Variants in CTNNA3 observed in about 807,000 individuals in gnomAD.
CTNNA3 encodes the protein catenin alpha 3, also known as catenin alpha-3.
In CTNNA3, 76 loss-of-function variants were observed where a neutral mutation model predicts 95.7. The ratio of observed to expected loss-of-function variants is 0.79; its 90% CI spans 0.66 to 0.96. The LOEUF (loss-of-function observed/expected upper bound fraction) is 0.96. Among genes scored for constraint, CTNNA3 ranks in the 40% least tolerant of loss-of-function variants. The probability of loss-of-function intolerance (pLI) is 0.00; values close to 1 mark genes in which losing one functional copy is unlikely to be tolerated. For missense variants in CTNNA3, 1,191 were observed against 1,089.8 expected (o/e 1.09, Z -1.31); for synonymous variants, 431 against 374.4 (o/e 1.15, Z -1.74).
chr10:66,103,693 AT>A (rs771492872), intron 13 of CTNNA3, among the ~76,000 whole-genome samples: 12 of 151,132 alleles, frequency 7.9e-5, no homozygotes, highest in Non-Finnish European at 1.3e-4. Context: ...AGCAATAGAG[AT>A]TTAATTAGTG....
At chr10:67,114,901 C>A (rs1483537837) in intron 7 of CTNNA3, among the ~76,000 whole-genome samples, 1 of 152,034 alleles carries the variant, frequency 6.6e-6, no homozygotes, top group Non-Finnish European at 1.5e-5. Context: ...GAGTTTAATG[C>A]AGCTTTGGGT....
chr10:65,964,474 A>G (rs986759276), intron 17 of CTNNA3, among the ~76,000 whole-genome samples: 7 of 152,182 alleles, frequency 4.6e-5, no homozygotes, highest in African/African-American at 1.7e-4. Context: ...TGCCTAATTT[A>G]TCTGTAATAT....
At chr10:66,491,412 A>C (rs188800198) in intron 11 of CTNNA3, among the ~76,000 whole-genome samples, 167 of 152,304 alleles carry the variant, frequency 1.1e-3, no homozygotes, top group Middle Eastern at 3.4e-3. Context: ...TTTCTTTCAA[A>C]ATTTCTCCAG....
chr10:67,436,347 T>C (rs1261984161), intron 5 of CTNNA3, among the ~76,000 whole-genome samples: 1 of 152,154 alleles, frequency 6.6e-6, no homozygotes, highest in Non-Finnish European at 1.5e-5. Context: ...GACTTACACC[T>C]AAGACCTGAA....
At chr10:66,254,204 G>A (rs1411964428) in intron 13 of CTNNA3, among the ~76,000 whole-genome samples, 1 of 152,114 alleles carries the variant, frequency 6.6e-6, no homozygotes, top group Admixed American at 6.6e-5. Flanking sequence ...CATCAAGCAG[G>A]CCATCCAGAG....
In CTNNA3 at chr10:65,916,968, C is replaced by T. The variant is rs2077015240; in HGVS notation, c.*3362G>A. The T allele has an allele frequency of 6.6e-6, 1 of 152,234 alleles. No homozygotes were observed. The highest frequency in any genetic ancestry group is 1.9e-4 in the East Asian group (1 of 5,180). 9.4% of individuals were successfully genotyped at this position (152,234 alleles called of 1,614,324 possible). A position where few individuals can be genotyped will look rare whatever the true frequency, so the allele number is the denominator to read the frequency against. On this transcript the variant is annotated 3_prime_UTR_variant, in exon 18 of 18. Transcript: ENST00000433211. ...ATTTGGTCTGAAGGCCCAAGTTGCGCACTTAATTGTATATTCACAATTTTA... is the reference window on the plus strand; with the variant it reads ...ATTTGGTCTGAAGGCCCAAGTTGCGTACTTAATTGTATATTCACAATTTTA...
At chr10:66,217,078 G>A (rs777715483) in intron 13 of CTNNA3, among the ~76,000 whole-genome samples, 20 of 151,904 alleles carry the variant, frequency 1.3e-4, no homozygotes, top group South Asian at 2.1e-4. Flanking sequence ...TCATACAGCC[G>A]GGCGCGTTGG....
intron 3 of CTNNA3, among the ~76,000 whole-genome samples, chr10:67,601,751 A>G (rs777868062): frequency 6.6e-6 from 1 of 152,366 alleles, no homozygotes; most frequent in South Asian, 2.1e-4. Context: ...TTGGTAGTGT[A>G]GGAGTAAGCC....
chr10:66,157,235 T>C (rs2084558648), intron 13 of CTNNA3, among the ~76,000 whole-genome samples: 1 of 151,946 alleles, frequency 6.6e-6, no homozygotes, highest in Non-Finnish European at 1.5e-5. Flanking sequence ...ATTGTATCAT[T>C]CTTATGCCTT....
chr10:66,097,753 AC>A (rs2081454432), intron 14 of CTNNA3, among the ~76,000 whole-genome samples: 1 of 152,134 alleles, frequency 6.6e-6, no homozygotes, highest in Admixed American at 6.5e-5. Context: ...TTCAGCTGCC[AC>A]CCTGCTGCAA....
At chr10:67,385,847 A>G (rs550920976) in intron 5 of CTNNA3, among the ~76,000 whole-genome samples, 1 of 152,038 alleles carries the variant, frequency 6.6e-6, no homozygotes, top group East Asian at 1.9e-4. Flanking sequence ...AAAAAAAAAA[A>G]AAAAAACCTG....
chr10:66,008,957 G>T (rs528663635), intron 15 of CTNNA3, among the ~76,000 whole-genome samples: 6 of 152,002 alleles, frequency 3.9e-5, no homozygotes, highest in African/African-American at 1.4e-4. Flanking sequence ...AAAATTATCC[G>T]TATGTAGTGG....
chr10:67,012,465 A>G (rs914118042), intron 7 of CTNNA3: 2 of 152,202 alleles, frequency 1.3e-5, no homozygotes, highest in African/African-American at 4.8e-5. Flanking sequence ...GGAAATTATA[A>G]ATATTTGCCT....
intron 13 of CTNNA3, among the ~76,000 whole-genome samples, chr10:66,168,064 C>T (rs1264960853): frequency 6.6e-6 from 1 of 152,118 alleles, no homozygotes; most frequent in Non-Finnish European, 1.5e-5. Context: ...CTATGGGTGC[C>T]AGAGTCACTT....
At chr10:67,320,518 A>T (rs1001443021) in intron 5 of CTNNA3, among the ~76,000 whole-genome samples, 15 of 152,174 alleles carry the variant, frequency 9.9e-5, no homozygotes, top group African/African-American at 3.6e-4. Flanking sequence ...TGGCCAATAT[A>T]TTTATTTTGG....
intron 3 of CTNNA3, among the ~76,000 whole-genome samples, chr10:67,552,200 A>T (rs947639097): frequency 3.3e-5 from 5 of 152,198 alleles, no homozygotes; most frequent in African/African-American, 1.2e-4. Context: ...CAATTCAAGG[A>T]TGCATTTGAT....
chr10:66,295,617 G>A (rs541949032), intron 12 of CTNNA3, among the ~76,000 whole-genome samples: 56 of 152,262 alleles, frequency 3.7e-4, no homozygotes, highest in African/African-American at 1.3e-3. Context: ...CACCATACCA[G>A]GAAGAAGGAA....
At chr10:67,309,944 T>C (rs1320445376) in intron 5 of CTNNA3, among the ~76,000 whole-genome samples, 1 of 152,036 alleles carries the variant, frequency 6.6e-6, no homozygotes, top group East Asian at 1.9e-4. Flanking sequence ...CAAAAGTAGA[T>C]ATTAAAGGAG....
chr10:66,845,703 CAAAAAAAAAAAA>C (rs61085873), intron 7 of CTNNA3, among the ~76,000 whole-genome samples: 4 of 23,536 alleles, frequency 1.7e-4, no homozygotes, highest in Non-Finnish European at 4.9e-4. Context: ...AACTCTGTCT[CAAAAAAAAAAAA>C]AAAAAAAAAA....
Sources: allele counts gnomAD v4.1 joint callset (sites outside exome capture counted in the v4.1 genomes callset), GRCh38; gene constraint gnomAD v4.1.1; transcripts MANE v1.5; gene names NCBI Gene and HGNC (gene_info 2026-07-23, HGNC 2026-07-21).